CDH23: variants seen among roughly 807,000 people sequenced by gnomAD.
CDH23 encodes the protein cadherin related 23.
Under a neutral mutation model 317.1 loss-of-function variants are expected in CDH23, and 189 were observed. The ratio of observed to expected loss-of-function variants is 0.60; its 90% CI spans 0.53 to 0.67. The LOEUF (loss-of-function observed/expected upper bound fraction) is 0.67, where lower values mean the gene tolerates loss of function less well. CDH23 is among the 30% of genes least tolerant of loss of function. The pLI, the probability that CDH23 is intolerant of heterozygous loss-of-function variation, is 0.00. For missense variants in CDH23, 4,401 were observed against 4,592.4 expected (o/e 0.96, Z 1.20); for synonymous variants, 1,839 against 1,876.8 (o/e 0.98, Z 0.52).
intron 30 of CDH23, among the ~76,000 whole-genome samples, chr10:71,730,226 C>T (rs555897845): frequency 3.3e-5 from 5 of 152,198 alleles, no homozygotes; most frequent in African/African-American, 1.2e-4. Context: ...CAGCATTAGT[C>T]AAAAAGCCAA....
intron 14 of CDH23, among the ~76,000 whole-genome samples, chr10:71,674,901 G>A (rs1253834976): frequency 6.6e-6 from 1 of 152,206 alleles, no homozygotes; most frequent in East Asian, 1.9e-4. Flanking sequence ...AACACCTGGT[G>A]GCGGTGGAGA....
At chr10:71,627,965 C>T (rs968297595) in intron 11 of CDH23, among the ~76,000 whole-genome samples, 1 of 152,178 alleles carries the variant, frequency 6.6e-6, no homozygotes, top group South Asian at 2.1e-4. Context: ...GGTGCCCCTT[C>T]GTTGTGGGTG....
chr10:71,500,705 G>T (rs1233046473), intron 3 of CDH23, among the ~76,000 whole-genome samples: 2 of 152,150 alleles, frequency 1.3e-5, no homozygotes, highest in Non-Finnish European at 2.9e-5. Context: ...GAAAGACTTG[G>T]GTTGGACTCC....
chr10:71,718,000 T>C (rs138645778), intron 28 of CDH23: 9 of 152,362 alleles, frequency 5.9e-5, no homozygotes, highest in African/African-American at 1.9e-4. Context: ...GCATGTGTGA[T>C]ATTTAAATTC....
chr10:71,536,789 G>A (rs978842328), intron 6 of CDH23, among the ~76,000 whole-genome samples: 2 of 152,130 alleles, frequency 1.3e-5, no homozygotes, highest in Admixed American at 1.3e-4. Flanking sequence ...AAGGGGCCAG[G>A]ATCCCAAGTG....
intron 3 of CDH23, among the ~76,000 whole-genome samples, chr10:71,481,882 C>T (rs1173554013): frequency 6.6e-6 from 1 of 152,166 alleles, no homozygotes; most frequent in Non-Finnish European, 1.5e-5. Flanking sequence ...GGTGACTGAG[C>T]CCCTGCCAGC....
rs773456103 is a variant in CDH23 at position 71,570,807 on chromosome 10, G to C, written c.642G>C (p.Arg214Ser). Residue 214 changes from arginine (R) to serine (S), a missense_variant, in exon 8 of 70, where the codon AGG becomes AGC. Coordinates refer to ENST00000224721, the MANE Select transcript of CDH23 (RefSeq NM_022124.6). ...TCTCTAAGGATCAAGACAAGACCAGGCCTCTGTCCACCCTGGCCAACTTGG... is the reference window on the plus strand; with the variant it reads ...TCTCTAAGGATCAAGACAAGACCAGCCCTCTGTCCACCCTGGCCAACTTGG... ...TVNATDQDKT[R>S]PLSTLANLAI... 9.3e-6 allele frequency: 15 copies of C among 1,613,094 alleles called. No homozygotes were observed. Among genetic ancestry groups the C allele is most frequent in the Non-Finnish European group, 1.3e-5 (15 of 1,179,526 alleles).
At chr10:71,663,535 G>A (rs1863764310) in intron 14 of CDH23, among the ~76,000 whole-genome samples, 1 of 152,178 alleles carries the variant, frequency 6.6e-6, no homozygotes, top group Admixed American at 6.5e-5. Context: ...ACCATCCTTG[G>A]ACTTTTAACC....
At chr10:71,661,531 T>C (rs1193799999) in intron 14 of CDH23, among the ~76,000 whole-genome samples, 3 of 152,142 alleles carry the variant, frequency 2.0e-5, no homozygotes, top group African/African-American at 4.8e-5. Context: ...GGCCAGAGTG[T>C]TTTGGATTCC....
At chr10:71,680,810 C>CTTTT (rs562449159) in intron 17 of CDH23, among the ~76,000 whole-genome samples, 9 of 100,558 alleles carry the variant, frequency 9.0e-5, no homozygotes, top group Admixed American at 3.1e-4. Flanking sequence ...CTCTGTCTTT[C>CTTTT]TTTTTTTTTT....
At position 71,510,109 on chromosome 10, in the gene CDH23, A is replaced by C. The variant is rs61732490; in HGVS notation, c.173A>C (p.Gln58Pro). Residue 58 changes from glutamine (Q) to proline (P), a missense_variant, in exon 4 of 70, where the codon CAA becomes CCA. Physicochemically the swap from Gln to Pro is moderately conservative, Grantham distance 76. Around this residue, in one of 3 missense-constraint regions of CDH23, gnomAD observed 3,068 missense variants for 3,203.3 expected, o/e 0.96. Transcript: ENST00000224721. ...TCTTCTGTGACCCAGTTGCTGGCCC[A>C]AGACATGGACAATGACCCCCTGGTG... is the stretch of plus-strand genomic sequence containing the variant. The part of the protein sequence containing the change: ...VGSSVTQLLA[Q>P]DMDNDPLVFG... The C allele has an allele frequency of 6.2e-7, 1 of 1,613,972 alleles. No homozygotes were observed.
intron 23 of CDH23, 37 bp downstream of exon 23, chr10:71,702,248 T>C: frequency 1.3e-6 from 2 of 1,594,832 alleles, no homozygotes; most frequent in Non-Finnish European, 1.7e-6. Flanking sequence ...CCCCCACACC[T>C]TAGGCTGCGG....
intron 7 of CDH23, among the ~76,000 whole-genome samples, chr10:71,570,332 C>T (rs1359497329): frequency 6.6e-6 from 1 of 152,166 alleles, no homozygotes; most frequent in Non-Finnish European, 1.5e-5. Flanking sequence ...CCTCTGCTGC[C>T]CTGGGATGAG....
At chr10:71,511,998 A>G (rs1448962768) in intron 6 of CDH23, 1 of 152,412 alleles carries the variant, frequency 6.6e-6, no homozygotes, top group African/African-American at 2.4e-5. Flanking sequence ...GGATGGGAAC[A>G]GTGGAAGGTA....
chr10:71,712,866 A>C (rs765385038), intron 28 of CDH23, 53 bp downstream of exon 28: 3 of 1,584,008 alleles, frequency 1.9e-6, no homozygotes, highest in Non-Finnish European at 2.6e-6. Flanking sequence ...AGGCGGAGCC[A>C]CACACGGCCC....
intron 69 of CDH23, 51 bp from the exon 70 acceptor site, chr10:71,814,901 C>G: frequency 6.5e-7 from 1 of 1,533,908 alleles, no homozygotes; most frequent in East Asian, 2.3e-5. Context: ...CATCCACCTG[C>G]TCACCCCTTG....
chr10:71,702,903 G>A (rs1472717484), intron 24 of CDH23, among the ~76,000 whole-genome samples: 1 of 152,208 alleles, frequency 6.6e-6, no homozygotes, highest in Non-Finnish European at 1.5e-5. Flanking sequence ...GAGAGGCAAA[G>A]ATGGAATTCT....
Position 71,810,501 on chromosome 10 carries a change from CT to C in CDH23, c.9012del (p.Phe3004LeufsTer11), listed in dbSNP as rs866199775. The C allele has an allele frequency of 6.2e-7, 1 of 1,613,896 alleles. No homozygotes were observed. The highest frequency in any genetic ancestry group is 8.5e-7 in the Non-Finnish European group (1 of 1,179,882). On this transcript the variant is annotated frameshift_variant, in exon 62 of 70. Coordinates refer to ENST00000224721, the MANE Select transcript of CDH23 (RefSeq NM_022124.6). LOFTEE classifies it high-confidence loss of function. Reference protein sequence around the residue: ...FHVDKKGRVNFAQTELLIHVV... With the variant: ...FHVDKKGRVNXAQTELLIHVV... Reference sequence around the variant, plus strand: ...ATGTGGACAAGAAGGGCCGGGTGAACTTTGCGCAGACAGAACTGCTTATCCA... The same window carrying C: ...ATGTGGACAAGAAGGGCCGGGTGAACTTGCGCAGACAGAACTGCTTATCCA...
At chr10:71,768,874 G>A (rs961641703) in intron 38 of CDH23, among the ~76,000 whole-genome samples, 4 of 152,186 alleles carry the variant, frequency 2.6e-5, no homozygotes, top group Admixed American at 1.3e-4. Context: ...ATGAGAAAAC[G>A]GAAGCACAGA....
Sources: allele counts gnomAD v4.1 joint callset (sites outside exome capture counted in the v4.1 genomes callset), GRCh38; gene constraint gnomAD v4.1.1; regional missense constraint gnomAD v4.1.1; transcripts MANE v1.5; gene names NCBI Gene and HGNC (gene_info 2026-07-23, HGNC 2026-07-21).